The following GNE variants were observed in gnomAD, a reference collection of about 807,000 sequenced individuals.
The protein encoded by GNE is bifunctional UDP-N-acetylglucosamine 2-epimerase/N-acetylmannosamine kinase.
GNE carries 41 observed loss-of-function variants against 61.8 expected under a neutral mutation model. The observed-to-expected ratio is 0.66, with a 90% CI of 0.52 to 0.86. GNE has a LOEUF of 0.86. GNE is among the 40% of genes least tolerant of loss of function. GNE has a pLI of 0.00. For synonymous variants in GNE, 264 were observed against 326.4 expected (o/e 0.81, Z 2.06); for missense variants, 608 against 909.1 (o/e 0.67, Z 4.26).
At chr9:36,220,073 A>G (rs779465942) in intron 9 of GNE, 53 bp from the exon 10 acceptor site, 17 of 1,411,736 alleles carry the variant, frequency 1.2e-5, no homozygotes, top group Admixed American at 1.7e-5. Flanking sequence ...ACAGAAAACT[A>G]TGATATCACA....
chr9:36,233,486 G>A (rs1829260060), intron 5 of GNE, among the ~76,000 whole-genome samples: 1 of 152,116 alleles, frequency 6.6e-6, no homozygotes, highest in Admixed American at 6.6e-5. Context: ...CTAACAAAGT[G>A]AAACCCCGTC....
intron 7 of GNE, 103 bp downstream of exon 7, chr9:36,227,145 C>G: frequency 1.3e-6 from 1 of 747,598 alleles, no homozygotes; most frequent in East Asian, 2.7e-5. Context: ...TGATTACAAG[C>G]TCTTGTGTAT....
At chr9:36,220,839 TA>T (rs1284966506) in intron 9 of GNE, among the ~76,000 whole-genome samples, 4 of 152,022 alleles carry the variant, frequency 2.6e-5, no homozygotes, top group African/African-American at 9.7e-5. Flanking sequence ...TACAAAGGAG[TA>T]AAGGGTATTG....
intron 1 of GNE, chr9:36,265,610 A>C: frequency 2.8e-6 from 1 of 355,672 alleles, no homozygotes; most frequent in African/African-American, 2.1e-5. Context: ...CTCAGCCACA[A>C]CACTTTTAAT....
chr9:36,253,476 C>A (rs1022499321), intron 1 of GNE, among the ~76,000 whole-genome samples: 2 of 151,104 alleles, frequency 1.3e-5, no homozygotes, highest in African/African-American at 4.9e-5. Flanking sequence ...CGGGGTTTCA[C>A]CATGTTGTCC....
intron 1 of GNE, among the ~76,000 whole-genome samples, chr9:36,271,856 C>T (rs1831040642): frequency 6.6e-6 from 1 of 152,088 alleles, no homozygotes; most frequent in Non-Finnish European, 1.5e-5. Flanking sequence ...TTGAAGTTAG[C>T]CCTGTTTGGT....
chr9:36,235,493 G>GA (rs879274001), intron 4 of GNE, among the ~76,000 whole-genome samples: 2 of 151,228 alleles, frequency 1.3e-5, no homozygotes, highest in African/African-American at 2.4e-5. Context: ...TACTTTCATA[G>GA]AAAAAAAATA....
chr9:36,219,704 G>A, intron 10 of GNE, 134 bp downstream of exon 10: 1 of 791,900 alleles, frequency 1.3e-6, no homozygotes, highest in Non-Finnish European at 2.1e-6. Flanking sequence ...TTAGTGCGAG[G>A]GAGCCCTGCT....
intron 2 of GNE, 93 bp downstream of exon 2, chr9:36,249,099 C>G: frequency 2.1e-6 from 2 of 964,966 alleles, no homozygotes; most frequent in South Asian, 1.3e-5. Flanking sequence ...AGCAGCAGAA[C>G]AGGAATTTGA....
At chr9:36,256,563 G>A (rs916663861) in intron 1 of GNE, among the ~76,000 whole-genome samples, 1 of 152,038 alleles carries the variant, frequency 6.6e-6, no homozygotes, top group Non-Finnish European at 1.5e-5. Context: ...AATTCTTAAA[G>A]ACTACTTTCT....
chr9:36,274,420 C>T (rs944033171), intron 1 of GNE, among the ~76,000 whole-genome samples: 6 of 152,036 alleles, frequency 3.9e-5, no homozygotes, highest in East Asian at 1.9e-4. Context: ...AAATATTTAG[C>T]GGTGCTTTCC....
intron 1 of GNE, among the ~76,000 whole-genome samples, chr9:36,274,631 A>G (rs1244485579): frequency 6.6e-6 from 1 of 152,052 alleles, no homozygotes; most frequent in Non-Finnish European, 1.5e-5. Flanking sequence ...CTCCTAAATA[A>G]AAGTATTTTC....
chr9:36,239,559 G>A (rs531532970), intron 3 of GNE, among the ~76,000 whole-genome samples: 5 of 151,028 alleles, frequency 3.3e-5, no homozygotes, highest in East Asian at 3.9e-4. Context: ...TGCAACTTCC[G>A]CCTCCCAGGT....
rs1364375046 is a variant in GNE at position 36,219,993 on chromosome 9, T to C, written c.1661A>G (p.His554Arg). ...GAAGGAGCTTCCGTGGATCAATTCATGCTGATGGATAATTCCACCACCGAT... is the reference window on the plus strand; with the variant it reads ...GAAGGAGCTTCCGTGGATCAATTCACGCTGATGGATAATTCCACCACCGAT... ...TGIGGGIIHQHELIHGSSFCA... is the reference protein window; with the variant it reads ...TGIGGGIIHQRELIHGSSFCA... The change falls in exon 10 of 12, where the codon CAT becomes CGT. Residue 554 changes from histidine to arginine, a missense_variant. By Grantham distance (29) the His-to-Arg change is conservative. Transcript: ENST00000642385. 1.2e-6 allele frequency: 2 copies of C among 1,614,066 alleles called. No homozygotes were observed. The highest frequency in any genetic ancestry group is 4.5e-5 in the East Asian group (2 of 44,884).
chr9:36,248,510 G>A (rs547112147), intron 2 of GNE, among the ~76,000 whole-genome samples: 1 of 150,660 alleles, frequency 6.6e-6, no homozygotes, highest in African/African-American at 2.4e-5. Context: ...TTTTCGTAGA[G>A]ATAGGGTTTC....
chr9:36,220,025 A>G lies in GNE; in HGVS notation c.1634-5T>C. Reference sequence around the variant, plus strand: ...GGATAATTCCACCACCGATTCCTACAGCGAGGGATAGAAATCACTGAGGGT... The same window carrying G: ...GGATAATTCCACCACCGATTCCTACGGCGAGGGATAGAAATCACTGAGGGT... On this transcript the variant is annotated splice_polypyrimidine_tract_variant and splice_region_variant and intron_variant, in intron 9 of 11. Coordinates refer to ENST00000642385, the MANE Select transcript of GNE (RefSeq NM_005476.7). 1.9e-6 allele frequency: 3 copies of G among 1,612,690 alleles called. No individual in the cohort carries two copies. In the East Asian group the frequency reaches 6.7e-5, roughly 36 times the overall value.
At chr9:36,248,540 T>C (rs1470589382) in intron 2 of GNE, among the ~76,000 whole-genome samples, 1 of 151,498 alleles carries the variant, frequency 6.6e-6, no homozygotes, top group African/African-American at 2.4e-5. Context: ...GCCAGGCTGG[T>C]CTCAAATTCC....
At chr9:36,264,974 C>T (rs757244265) in intron 1 of GNE, 19 of 226,442 alleles carry the variant, frequency 8.4e-5, no homozygotes, top group Non-Finnish European at 1.3e-4. Flanking sequence ...GTGTTTGTAC[C>T]GTGTTTGTTA....
chr9:36,237,778 T>C (rs1036142979), intron 3 of GNE, among the ~76,000 whole-genome samples: 1 of 152,152 alleles, frequency 6.6e-6, no homozygotes, highest in African/African-American at 2.4e-5. Context: ...CAGTATACTC[T>C]GTACCATATT....
Sources: allele counts gnomAD v4.1 joint callset (sites outside exome capture counted in the v4.1 genomes callset), GRCh38; gene constraint gnomAD v4.1.1; transcripts MANE v1.5; gene names NCBI Gene and HGNC (gene_info 2026-07-23, HGNC 2026-07-21).